Variants in ERCC1 observed in about 807,000 individuals in gnomAD.
ERCC1 encodes the protein DNA excision repair protein ERCC-1.
In ERCC1, 36 loss-of-function variants were observed where a neutral mutation model predicts 37.6. The ratio of observed to expected loss-of-function variants is 0.96; its 90% CI spans 0.73 to 1.26. ERCC1 has a LOEUF of 1.26. Ranked by LOEUF, ERCC1 falls within the 50% of genes most tolerant of loss-of-function variation. The pLI is 0.00. For synonymous variants in ERCC1, 156 were observed against 162.1 expected, an observed-to-expected ratio of 0.96 and a Z score of 0.28; for missense variants, 349 against 376.5, an observed-to-expected ratio of 0.93 and a Z score of 0.60.
intron 5 of ERCC1, among the ~76,000 whole-genome samples, chr19:45,417,321 G>A (rs1029087296): frequency 1.3e-5 from 2 of 152,144 alleles, no homozygotes; most frequent in Non-Finnish European, 2.9e-5. Context: ...CTGATGATCT[G>A]GAGTGGCCAG....
chr19:45,425,914 T>C (rs1393617337), upstream of ERCC1, among the ~76,000 whole-genome samples: 1 of 151,944 alleles, frequency 6.6e-6, no homozygotes, highest in Non-Finnish European at 1.5e-5. Flanking sequence ...CTTTCATCTA[T>C]GGGTGTCTAT....
chr19:45,444,386 G>A (rs1975204524), intron 1 of ERCC1, among the ~76,000 whole-genome samples: 1 of 143,072 alleles, frequency 7.0e-6, no homozygotes, highest in African/African-American at 2.6e-5. Flanking sequence ...TTCCCAGGCC[G>A]CCCCCCCGCG....
At chr19:45,443,019 G>C (rs544093610) in intron 1 of ERCC1, among the ~76,000 whole-genome samples, 2 of 152,260 alleles carry the variant, frequency 1.3e-5, no homozygotes, top group East Asian at 3.9e-4. Flanking sequence ...TGCCCCGCGG[G>C]GGGGATGAAG....
chr19:45,442,870 C>G (rs1300668111), intron 1 of ERCC1, among the ~76,000 whole-genome samples: 1 of 151,936 alleles, frequency 6.6e-6, no homozygotes, highest in Non-Finnish European at 1.5e-5. Flanking sequence ...TCCTCAGACC[C>G]ACAGCACCCC....
Position 45,407,493 on chromosome 19 carries a change from A to G in ERCC1, c.*2182T>C. On this transcript the variant is annotated 3_prime_UTR_variant, in exon 10 of 10. Transcript: ENST00000300853. The stretch of plus-strand genomic sequence containing the variant: ...TTGGAGTGTGCAGATAAGCTCACTA[A>G]AGGTAGGGGCTATTGGTGTTATCCA... 1 of 455,870 alleles carries G rather than the reference A, an allele frequency of 2.2e-6. No homozygotes were observed. The highest frequency in any genetic ancestry group is 3.8e-6 in the Non-Finnish European group (1 of 260,364). 28.2% of individuals were successfully genotyped at this position (455,870 alleles called of 1,614,324 possible).
At position 45,408,470 on chromosome 19, in the gene ERCC1, A is replaced by G. The variant is rs1282831188; in HGVS notation, c.*1205T>C. 1.2e-6 allele frequency: 2 copies of G among 1,613,934 alleles called. No individual in the cohort carries two copies. Among genetic ancestry groups the G allele is most frequent in the Non-Finnish European group, 1.7e-6 (2 of 1,179,950 alleles). ...AGGGCCTAGGTCAGCCTTGGCCCCCAACCTGCTCACCTCAGGGAAGAAGAA... is the reference window on the plus strand; with the variant it reads ...AGGGCCTAGGTCAGCCTTGGCCCCCGACCTGCTCACCTCAGGGAAGAAGAA... On this transcript the variant is annotated 3_prime_UTR_variant, in exon 10 of 10. Coordinates refer to ENST00000300853, the MANE Select transcript of ERCC1 (RefSeq NM_001983.4).
chr19:45,415,061 C>A (rs530493183), intron 6 of ERCC1, 101 bp from the exon 7 acceptor site: 5 of 803,072 alleles, frequency 6.2e-6, no homozygotes, highest in Non-Finnish European at 1.0e-5. Flanking sequence ...AGGCCGGGCG[C>A]GGTGGCTCAC....
rs748511318 is a variant in ERCC1 at position 45,423,845 on chromosome 19, G to A, written c.-72C>T. ...CACCTGCTGGTCTTGGAGCCTCAAG[G>A]GAAAGACTGCAGAGGGATCGAGGCG... On this transcript the variant is annotated 5_prime_UTR_variant, in exon 1 of 10. Transcript: ENST00000300853. 3.5e-6 allele frequency: 4 copies of A among 1,138,726 alleles called. No homozygotes were observed. The highest frequency in any genetic ancestry group is 2.9e-5 in the South Asian group (1 of 35,066). 70.5% of individuals were successfully genotyped at this position (1,138,726 alleles called of 1,614,324 possible).
rs928871420 is a variant in ERCC1 at position 45,414,286 on chromosome 19, G to C, written c.703-252C>G. 27 of 552,248 alleles carry C rather than the reference G, an allele frequency of 4.9e-5. No individual in the cohort carries two copies. In the African/African-American group the frequency reaches 4.9e-4, roughly 10 times the overall value. 34.2% of individuals were successfully genotyped at this position (552,248 alleles called of 1,614,324 possible). A position where few individuals can be genotyped will look rare whatever the true frequency, so the allele number is the denominator to read the frequency against. On this transcript the variant is annotated intron_variant, in intron 7 of 9. Transcript: ENST00000300853. ...AGGCCAGGAGTTCAAGACCAGCCTG[G>C]CCAACACACTGAAACCCCATCTTTA...
chr19:45,412,998 C>T (rs1280609634), intron 9 of ERCC1, among the ~76,000 whole-genome samples: 1 of 152,114 alleles, frequency 6.6e-6, no homozygotes, highest in Non-Finnish European at 1.5e-5. Context: ...GCCTCAGCCT[C>T]TCAAAGTGCT....
At chr19:45,431,006 G>T (rs915164366) in intron 1 of ERCC1, among the ~76,000 whole-genome samples, 1 of 152,116 alleles carries the variant, frequency 6.6e-6, no homozygotes, top group East Asian at 1.9e-4. Context: ...AGGCTGGAGT[G>T]CAGTGGCACG....
intron 1 of ERCC1, among the ~76,000 whole-genome samples, chr19:45,439,864 C>T (rs529774824): frequency 1.2e-4 from 18 of 152,072 alleles, no homozygotes. Flanking sequence ...CCTCAGTGGT[C>T]GCGAGGGGGC....
At chr19:45,435,155 G>C (rs1409840313) in intron 1 of ERCC1, among the ~76,000 whole-genome samples, 1 of 152,080 alleles carries the variant, frequency 6.6e-6, no homozygotes, top group Non-Finnish European at 1.5e-5. Context: ...CTGACTTCAT[G>C]ATCCATCCAC....
At position 45,419,172 on chromosome 19, in the gene ERCC1, C is replaced by T. The variant is rs774704237; in HGVS notation, c.451G>A (p.Asp151Asn). 6.3e-7 allele frequency: 1 copy of T among 1,597,328 alleles called. No homozygotes were observed. Among genetic ancestry groups the T allele is most frequent in the South Asian group, 1.1e-5 (1 of 88,336 alleles). Residue 151 changes from aspartate (D) to asparagine (N), a missense_variant, in exon 5 of 10, where the codon GAC (aspartate) becomes AAC (asparagine). Coordinates refer to ENST00000300853, the MANE Select transcript of ERCC1 (RefSeq NM_001983.4). ...CTCTGCAGCCGCCCATGGATGTAGT[C>T]TGGGTGCAGGTTGTGGTAGCGGAGG... ...LSLRYHNLHPDYIHGRLQSLG... is the reference protein window; with the variant it reads ...LSLRYHNLHPNYIHGRLQSLG...
chr19:45,427,375 C>T (rs930186891), upstream of ERCC1, among the ~76,000 whole-genome samples: 2 of 151,832 alleles, frequency 1.3e-5, no homozygotes, highest in Non-Finnish European at 2.9e-5. Context: ...TTTGGGAGGC[C>T]GATGGAAGGT....
intron 1 of ERCC1, among the ~76,000 whole-genome samples, chr19:45,435,052 C>A (rs777365604): frequency 1.4e-4 from 22 of 151,866 alleles, no homozygotes; most frequent in Non-Finnish European, 2.9e-4. Flanking sequence ...CAAAGTGCTG[C>A]AATTACAGGC....
upstream of ERCC1, among the ~76,000 whole-genome samples, chr19:45,428,651 G>A (rs1045615523): frequency 6.6e-6 from 1 of 152,228 alleles, no homozygotes; most frequent in African/African-American, 2.4e-5. Flanking sequence ...GGGTGGGGAC[G>A]GAGACTGTAA....
At position 45,408,600 on chromosome 19, in the gene ERCC1, G is replaced by GGAA. The variant is rs760646316; in HGVS notation, c.*1072_*1074dup. ...TTGGGGTCGCCAGAAATGGATGTGC[G>GGAA]GAAGAAGAAGAAGAAAAAAAATCAG... On this transcript the variant is annotated 3_prime_UTR_variant, in exon 10 of 10. Coordinates refer to ENST00000300853, the MANE Select transcript of ERCC1 (RefSeq NM_001983.4). 157 of 1,613,598 alleles carry GGAA rather than the reference G, an allele frequency of 9.7e-5. No homozygotes were observed. The highest frequency in any genetic ancestry group is 1.2e-4 in the Non-Finnish European group (147 of 1,180,024).
intron 1 of ERCC1, among the ~76,000 whole-genome samples, chr19:45,442,090 T>C (rs956712440): frequency 6.6e-6 from 1 of 151,942 alleles, no homozygotes; most frequent in African/African-American, 2.4e-5. Context: ...GGTGGGAGGA[T>C]TGCTTGAGCC....
Sources: gnomAD v4.1 joint callset for allele counts (sites outside exome capture counted in the v4.1 genomes callset) on GRCh38, gnomAD v4.1.1 for gene constraint, MANE v1.5 for transcripts, NCBI Gene and HGNC (gene_info 2026-07-23, HGNC 2026-07-21) for gene names.